APEH: variants seen among roughly 807,000 people sequenced by gnomAD.
APEH encodes the protein acylamino-acid-releasing enzyme.
APEH carries 75 observed loss-of-function variants against 102.7 expected under a neutral mutation model. The ratio of observed to expected loss-of-function variants is 0.73; its 90% confidence interval spans 0.61 to 0.89. The LOEUF (loss-of-function observed/expected upper bound fraction) is 0.89, where lower values mean the gene tolerates loss of function less well. APEH is among the 40% of genes least tolerant of loss of function. The pLI, the probability that APEH is intolerant of heterozygous loss-of-function variation, is 0.00. For missense variants in APEH, 863 were observed against 941.2 expected, an observed-to-expected ratio of 0.92 and a Z score of 1.09; for synonymous variants, 344 against 362.7, an observed-to-expected ratio of 0.95 and a Z score of 0.59.
At chr3:49,677,052 G>C (rs1459795207) in intron 10 of APEH, 28 bp downstream of exon 10, 3 of 1,613,654 alleles carry the variant, frequency 1.9e-6, no homozygotes, top group Non-Finnish European at 2.5e-6. Context: ...GGGATGGGAG[G>C]GTGGTCAGCA....
intron 3 of APEH, 119 bp from the exon 4 acceptor site, chr3:49,675,575 G>A (rs2108116044): frequency 1.8e-6 from 2 of 1,103,062 alleles, no homozygotes; most frequent in Non-Finnish European, 2.7e-6. Flanking sequence ...GGCTAGAGGT[G>A]CTCCAGAAGC....
In APEH at chr3:49,679,216, C is replaced by T. The variant is rs1193083199; in HGVS notation, c.1158+267C>T. Among the ~76,000 whole-genome samples the T allele has an allele frequency of 6.6e-6, 1 of 152,154 alleles. No homozygotes were observed. Among genetic ancestry groups the T allele is most frequent in the Non-Finnish European group, 1.5e-5 (1 of 68,002 alleles). ...GCTGGGGGTCAAGGGGACTGCCACT[C>T]GGGTGGGTCCCTGAACACTCTGTAA... On this transcript the variant is annotated intron_variant, in intron 12 of 21. Coordinates refer to ENST00000296456, the MANE Select transcript of APEH (RefSeq NM_001640.4). The surrounding 1 kb of genome is among the most constrained non-coding windows in gnomAD (Gnocchi z 4.3).
rs781061444 is a variant in APEH, at chr3:49,683,248, A to G, written c.2105A>G (p.Tyr702Cys). 3.1e-6 allele frequency: 5 copies of G among 1,613,912 alleles called. No homozygotes were observed. The highest frequency in any genetic ancestry group is 4.2e-6 in the Non-Finnish European group (5 of 1,179,842). ...ACTAATCCCTACAGGCTCCTGCTCT[A>G]TCCCAAAAGCACCCACGCATTATCA... ...TRNVPVRLLL[Y>C]PKSTHALSEV... Residue 702 changes from tyrosine (Y) to cysteine (C), a missense_variant, in exon 22 of 22, where the codon TAT becomes TGT. Tyr to Cys is a radical substitution (Grantham distance 194). Coordinates refer to ENST00000296456, the MANE Select transcript of APEH (RefSeq NM_001640.4).
Position 49,683,370 on chromosome 3 carries a change from A to G in APEH, c.*28A>G. ...CCCTGCCATTCTGCATGAGCTGATC[A>G]GCCTGTGCCACACTTCGCTCTTGAG... On this transcript the variant is annotated 3_prime_UTR_variant, in exon 22 of 22. Transcript: ENST00000296456. 1 of 1,577,198 alleles carries G rather than the reference A, an allele frequency of 6.3e-7. No homozygotes were observed. The highest frequency in any genetic ancestry group is 8.7e-7 in the Non-Finnish European group (1 of 1,147,020).
rs773325431 is a variant in APEH, at chr3:49,682,703, C to T, written c.1850C>T (p.Ala617Val). The change falls in exon 19 of 22, where the codon GCC (alanine) becomes GTC (valine). Residue 617 changes from alanine (A) to valine (V), a missense_variant. Transcript: ENST00000296456. ...CVARNPVINI[A>V]SMLGSTDIPD... ...GCCCGGAACCCCGTGATCAACATCGCCTCCATGTTGGGCTCCACTGACATC... is the reference window on the plus strand; with the variant it reads ...GCCCGGAACCCCGTGATCAACATCGTCTCCATGTTGGGCTCCACTGACATC... The T allele has an allele frequency of 5.0e-6, 8 of 1,614,010 alleles. No homozygotes were observed. The Admixed American group carries it at 1.2e-4, about 24-fold the overall frequency.
intron 11 of APEH, 144 bp from the exon 12 acceptor site, chr3:49,678,708 C>A: frequency 1.4e-6 from 1 of 698,290 alleles, no homozygotes; most frequent in Non-Finnish European, 2.5e-6. Context: ...GCGTAGCGTG[C>A]CCCCATGTGT....
Position 49,677,576 on chromosome 3 carries a change from G to T in APEH, c.1003G>T (p.Asp335Tyr). ...TGACCATTGTGTTCTCTTGCAGTAT[G>T]ACTGGTATACCAAGGTTACCTCAGT... ...HHQCSQLCLY[D>Y]WYTKVTSVVV... The change falls in exon 11 of 22, where the codon GAC becomes TAC. Residue 335 changes from aspartate (D) to tyrosine (Y), a missense_variant. Coordinates refer to ENST00000296456, the MANE Select transcript of APEH (RefSeq NM_001640.4). 1 of 1,613,532 alleles carries T rather than the reference G, an allele frequency of 6.2e-7. No individual in the cohort carries two copies. Among genetic ancestry groups the T allele is most frequent in the South Asian group, 1.1e-5 (1 of 91,022 alleles).
intron 2 of APEH, 60 bp downstream of exon 2, chr3:49,674,681 G>A: frequency 1.3e-6 from 2 of 1,567,862 alleles, no homozygotes; most frequent in Admixed American, 1.9e-5. Flanking sequence ...GGGAAGGAAG[G>A]GGGTGTGGAG....
chr3:49,673,838 C>CTCACGA (rs1354981391), upstream of APEH, among the ~76,000 whole-genome samples: 1 of 151,504 alleles, frequency 6.6e-6, no homozygotes, highest in African/African-American at 2.4e-5. Flanking sequence ...CACGCTCACG[C>CTCACGA]TCACAGGCTC....
intron 10 of APEH, 37 bp downstream of exon 10, chr3:49,677,061 C>A: frequency 6.2e-7 from 1 of 1,613,026 alleles, no homozygotes; most frequent in Non-Finnish European, 8.5e-7. Context: ...GGGTGGTCAG[C>A]AAGAAGATGG....
chr3:49,675,481 A>C (rs1414676258), intron 3 of APEH, 172 bp downstream of exon 3: 1 of 1,096,424 alleles, frequency 9.1e-7, no homozygotes, highest in African/African-American at 1.6e-5. Context: ...AGCTTGCTCC[A>C]AACTCAGCCT....
In APEH at chr3:49,683,214, A is replaced by G. The variant is rs370204521; in HGVS notation, c.2094-23A>G. 1.4e-3 allele frequency: 2,277 copies of G among 1,610,486 alleles called. 2 individuals carry two copies. Among genetic ancestry groups the G allele is most frequent in the Non-Finnish European group, 1.8e-3 (2,126 of 1,176,716 alleles). On this transcript the variant is annotated intron_variant, in intron 21 of 21. Coordinates refer to ENST00000296456, the MANE Select transcript of APEH (RefSeq NM_001640.4). ...GCACAGGAGGACCCTCCAACCTTAA[A>G]TGTTGCTGACTAATCCCTACAGGCT...
At chr3:49,674,322 C>T (rs1404077152), upstream of APEH, 4 of 1,498,312 alleles carry the variant, frequency 2.7e-6, no homozygotes, top group East Asian at 2.5e-5. Flanking sequence ...ACAGCCCGGG[C>T]CGTCCCAGGC....
In APEH at chr3:49,683,750, T is replaced by C; in HGVS notation, c.*408T>C. ...CTCTGTACCACCCTTCCCAAGAGTATGTCTGGAGGACTAGTGTGAGGCCCT... is the reference window on the plus strand; with the variant it reads ...CTCTGTACCACCCTTCCCAAGAGTACGTCTGGAGGACTAGTGTGAGGCCCT... On this transcript the variant is annotated 3_prime_UTR_variant, in exon 22 of 22. Coordinates refer to ENST00000296456, the MANE Select transcript of APEH (RefSeq NM_001640.4). 1 of 515,762 alleles carries C rather than the reference T, an allele frequency of 1.9e-6. No homozygotes were observed. Among genetic ancestry groups the C allele is most frequent in the Non-Finnish European group, 3.5e-6 (1 of 289,270 alleles). The allele number at this position is 515,762 out of a possible 1,614,324, so 31.9% of individuals were successfully genotyped here. A position where few individuals can be genotyped will look rare whatever the true frequency, so the allele number is the denominator to read the frequency against.
Position 49,679,473 on chromosome 3 carries a change from T to C in APEH, c.1159-120T>C. 9.8e-7 allele frequency: 1 copy of C among 1,018,234 alleles called. No homozygotes were observed. Among genetic ancestry groups the C allele is most frequent in the Non-Finnish European group, 1.5e-6 (1 of 658,580 alleles). The allele number at this position is 1,018,234 out of a possible 1,614,324, so 63.1% of individuals were successfully genotyped here. ...CACTGAGTAACCATCACCATAGCTG[T>C]CCACAGCCTTGGTCTGGCCAGGGCT... On this transcript the variant is annotated intron_variant, in intron 12 of 21. Transcript: ENST00000296456. The surrounding 1 kb of genome is among the most constrained non-coding windows in gnomAD (Gnocchi z 4.3).
Position 49,680,597 on chromosome 3 carries a change from C to G in APEH, c.1267C>G (p.Gln423Glu). Residue 423 changes from glutamine to glutamate, a missense_variant, in exon 14 of 22, where the codon CAG becomes GAG. Transcript: ENST00000296456. ...AATTGACCAGGACCTCATGGTGGCA[C>G]AGTTTTCCACACCCAGCCTACCTCC... ...LTIDQDLMVA[Q>E]FSTPSLPPTL... is the part of the protein sequence containing the mutation. The G allele has an allele frequency of 6.2e-7, 1 of 1,614,094 alleles. No individual in the cohort carries two copies. The highest frequency in any genetic ancestry group is 8.5e-7 in the Non-Finnish European group (1 of 1,180,018).
chr3:49,676,286 A>G (rs2053047014), intron 6 of APEH, 67 bp downstream of exon 6: 1 of 1,611,370 alleles, frequency 6.2e-7, no homozygotes, highest in Admixed American at 1.7e-5. Flanking sequence ...CCCTTCCCAT[A>G]CTGTGCCTGT....
At chr3:49,681,572 A>C in intron 15 of APEH, 150 bp from the exon 16 acceptor site, 1 of 721,974 alleles carries the variant, frequency 1.4e-6, no homozygotes, top group Non-Finnish European at 2.2e-6. Flanking sequence ...CAGAAGAAGT[A>C]TGAGCCTTCT....
chr3:49,683,734 AC>A lies in APEH; in HGVS notation c.*395del. On this transcript the variant is annotated 3_prime_UTR_variant, in exon 22 of 22. Coordinates refer to ENST00000296456, the MANE Select transcript of APEH (RefSeq NM_001640.4). ...CTTCCATTAGCAACTACTCTGTACC[AC>A]CCTTCCCAAGAGTATGTCTGGAGGA... The A allele has an allele frequency of 6.1e-6, 3 of 494,436 alleles. No homozygotes were observed. Among genetic ancestry groups the A allele is most frequent in the Non-Finnish European group, 7.3e-6 (2 of 275,732 alleles). 30.6% of individuals were successfully genotyped at this position (494,436 alleles called of 1,614,324 possible).
Sources: gnomAD v4.1 joint callset for allele counts (sites outside exome capture counted in the v4.1 genomes callset) on GRCh38, gnomAD v4.1.1 for gene constraint, Gnocchi (gnomAD v3.1) non-coding constraint, MANE v1.5 for transcripts, NCBI Gene and HGNC (gene_info 2026-07-23, HGNC 2026-07-21) for gene names.